Variants in SSU72 observed in about 807,000 individuals in gnomAD.
SSU72 encodes SSU72 homolog, RNA polymerase II CTD phosphatase.
In SSU72, 12 loss-of-function variants were observed where a neutral mutation model predicts 22.7. That is an observed-to-expected ratio of 0.53 (90% CI 0.34 to 0.86). The LOEUF (loss-of-function observed/expected upper bound fraction) is 0.86. Ranked by LOEUF, SSU72 falls within the 40% of genes least tolerant of loss-of-function variation. SSU72 has a pLI of 0.02. For missense variants in SSU72, 151 were observed against 249.8 expected (o/e 0.60, Z 2.67); for synonymous variants, 116 against 98.3 (o/e 1.18, Z -1.06).
chr1:1,541,725 G>T lies in SSU72; in HGVS notation c.*341C>A. On this transcript the variant is annotated 3_prime_UTR_variant, in exon 5 of 5. Transcript: ENST00000291386. The stretch of plus-strand genomic sequence containing the variant: ...TCCAGGTCATTCCTAACACGCCGCA[G>T]CAGGGCTCTGTACAGTCCGGCCCGG... 1 of 272,844 alleles carries T rather than the reference G, an allele frequency of 3.7e-6. No individual in the cohort carries two copies. Among genetic ancestry groups the T allele is most frequent in the Non-Finnish European group, 7.1e-6 (1 of 139,924 alleles). 16.9% of individuals were successfully genotyped at this position (272,844 alleles called of 1,614,324 possible).
intron 2 of SSU72, among the ~76,000 whole-genome samples, chr1:1,550,537 C>T (rs1642443835): frequency 6.6e-6 from 1 of 152,244 alleles, no homozygotes; most frequent in Non-Finnish European, 1.5e-5. Flanking sequence ...AGAATCAGTG[C>T]CTGGGCCCTT....
At chr1:1,549,850 T>C (rs1370088066) in intron 2 of SSU72, among the ~76,000 whole-genome samples, 1 of 151,722 alleles carries the variant, frequency 6.6e-6, no homozygotes, top group Non-Finnish European at 1.5e-5. Context: ...GGCGGGTGCC[T>C]GTAATCCCAC....
At chr1:1,560,679 A>G (rs1642577901) in intron 2 of SSU72, among the ~76,000 whole-genome samples, 2 of 152,202 alleles carry the variant, frequency 1.3e-5, no homozygotes, top group Non-Finnish European at 2.9e-5. Flanking sequence ...CAGAAAGTCA[A>G]GGAGATTTTG....
At chr1:1,567,267 C>G (rs762188810) in intron 1 of SSU72, among the ~76,000 whole-genome samples, 1 of 152,202 alleles carries the variant, frequency 6.6e-6, no homozygotes, top group Non-Finnish European at 1.5e-5. Flanking sequence ...ATCTAGTGTA[C>G]GTGAAACACC....
intron 2 of SSU72, 160 bp downstream of exon 2, chr1:1,564,613 G>A: frequency 1.2e-6 from 2 of 1,613,118 alleles, no homozygotes; most frequent in East Asian, 2.2e-5. Flanking sequence ...ACCCGTGGAC[G>A]ATCCGACGTG....
At position 1,574,434 on chromosome 1, in the gene SSU72, G is replaced by C. The variant is rs199526583; in HGVS notation, c.80+44C>G. The C allele has an allele frequency of 2.3e-4, 362 of 1,556,824 alleles. No homozygotes were observed. The African/African-American group carries it at 4.3e-3, about 19-fold the overall frequency. On this transcript the variant is annotated intron_variant, in intron 1 of 4. Transcript: ENST00000291386. ...GGGAACCGGGGAGGAGGGAGGGCCG[G>C]TCGCCGGAGCAGAGCGCGCGGGGAC...
At chr1:1,544,717 G>C in intron 3 of SSU72, 146 bp downstream of exon 3, 1 of 1,139,612 alleles carries the variant, frequency 8.8e-7, no homozygotes, top group African/African-American at 1.5e-5. Flanking sequence ...GGCCCTGCCT[G>C]CCTTCCAGGG....
At position 1,544,926 on chromosome 1, in the gene SSU72, A is replaced by G; in HGVS notation, c.301T>C (p.Cys101Arg). 6.2e-7 allele frequency: 1 copy of G among 1,614,212 alleles called. No individual in the cohort carries two copies. Among genetic ancestry groups the G allele is most frequent in the Non-Finnish European group, 8.5e-7 (1 of 1,180,040 alleles). Reference sequence around the variant, plus strand: ...AGGATCAGATCAAACAGGTCTTTGCAGTTCTGGAATCTTTCTGGCCGGGGC... The same window carrying G: ...AGGATCAGATCAAACAGGTCTTTGCGGTTCTGGAATCTTTCTGGCCGGGGC... ...IKPRPERFQN[C>R]KDLFDLILTC... The change falls in exon 3 of 5, where the codon TGC becomes CGC. Residue 101 changes from cysteine to arginine, a missense_variant. Transcript: ENST00000291386.
Position 1,543,949 on chromosome 1 carries a change from G to C in SSU72, c.403C>G (p.His135Asp). The C allele has an allele frequency of 6.2e-7, 1 of 1,614,014 alleles. No individual in the cohort carries two copies. Among genetic ancestry groups the C allele is most frequent in the Non-Finnish European group, 8.5e-7 (1 of 1,179,948 alleles). The change falls in exon 4 of 5, where the codon CAC becomes GAC. Residue 135 changes from histidine to aspartate, a missense_variant. Coordinates refer to ENST00000291386, the MANE Select transcript of SSU72 (RefSeq NM_014188.3). ...SREQETCQPV[H>D]VVNVDIQDNH... ...TCCTGGATGTCCACATTGACCACGT[G>C]CACAGGCTGGCAGGTCTCCTGTTCT...
chr1:1,558,462 TG>T (rs1040727866), intron 2 of SSU72, among the ~76,000 whole-genome samples: 41 of 152,312 alleles, frequency 2.7e-4, no homozygotes, highest in Middle Eastern at 6.8e-3. Flanking sequence ...AAACAGTATA[TG>T]CCAGACACAG....
intron 1 of SSU72, among the ~76,000 whole-genome samples, chr1:1,572,884 G>C (rs1431048640): frequency 2.0e-5 from 3 of 147,516 alleles, no homozygotes; most frequent in Non-Finnish European, 4.5e-5. Context: ...TCTTGGGGGG[G>C]GGGGGGTGAG....
rs949739365 is a variant in SSU72, at chr1:1,554,690, C to T, written c.225-9688G>A. ...GAAAGGGAACCCACAGGCACTGCCACGCCAGTGTGGCTGGCACCAGGGACC... is the reference window on the plus strand; with the variant it reads ...GAAAGGGAACCCACAGGCACTGCCATGCCAGTGTGGCTGGCACCAGGGACC... On this transcript the variant is annotated intron_variant, in intron 2 of 4. Coordinates refer to ENST00000291386, the MANE Select transcript of SSU72 (RefSeq NM_014188.3). This position sits in a 1 kb window ranked among gnomAD's most constrained non-coding sequence, Gnocchi z 4.1. Among the ~76,000 whole-genome samples, 1 of 152,136 alleles carries T rather than the reference C, an allele frequency of 6.6e-6. No homozygotes were observed. Among genetic ancestry groups the T allele is most frequent in the African/African-American group, 2.4e-5 (1 of 41,430 alleles).
At chr1:1,553,473 T>C (rs1642478386) in intron 2 of SSU72, among the ~76,000 whole-genome samples, 2 of 151,532 alleles carry the variant, frequency 1.3e-5, no homozygotes, top group South Asian at 4.2e-4. Context: ...CTAGTAAAAG[T>C]ACAAAAAACT....
At chr1:1,572,845 ATT>A (rs1642748277) in intron 1 of SSU72, among the ~76,000 whole-genome samples, 1 of 116,286 alleles carries the variant, frequency 8.6e-6, no homozygotes, top group African/African-American at 3.2e-5. Context: ...TCTCCAGCCC[ATT>A]TGTTATTCCA....
chr1:1,551,914 C>G (rs564466955), intron 2 of SSU72, among the ~76,000 whole-genome samples: 1 of 152,316 alleles, frequency 6.6e-6, no homozygotes, highest in African/African-American at 2.4e-5. Context: ...GACTCAGATC[C>G]TGTCCATAAT....
chr1:1,567,212 T>C (rs937688549), intron 1 of SSU72, among the ~76,000 whole-genome samples: 8 of 152,186 alleles, frequency 5.3e-5, no homozygotes, highest in African/African-American at 1.9e-4. Flanking sequence ...GGCACCCTGC[T>C]GCGCCACCAC....
rs185480598 is a variant in SSU72 at position 1,554,099 on chromosome 1, C to T, written c.225-9097G>A. Among the ~76,000 whole-genome samples the T allele has an allele frequency of 6.2e-4, 95 of 152,332 alleles. No individual in the cohort carries two copies. The highest frequency in any genetic ancestry group is 1.0e-3 in the Non-Finnish European group (71 of 68,036). On this transcript the variant is annotated intron_variant, in intron 2 of 4. Coordinates refer to ENST00000291386, the MANE Select transcript of SSU72 (RefSeq NM_014188.3). This position sits in a 1 kb window ranked among gnomAD's most constrained non-coding sequence, Gnocchi z 4.1. ...AGAGAAACGAGGAGGAAGTGCAGCT[C>T]CAGGGAGTGGAGCGGTTGTGAGATT...
intron 2 of SSU72, among the ~76,000 whole-genome samples, chr1:1,556,764 T>C (rs1457369103): frequency 2.6e-5 from 4 of 152,276 alleles, no homozygotes; most frequent in South Asian, 2.1e-4. Flanking sequence ...TGAAACTACT[T>C]TGCAAAAGCA....
At chr1:1,547,692 G>A (rs573465381) in intron 2 of SSU72, among the ~76,000 whole-genome samples, 8 of 152,378 alleles carry the variant, frequency 5.3e-5, no homozygotes, top group Admixed American at 2.0e-4. Context: ...AGCCGCTGGC[G>A]GGTGAGGCGG....
Sources: allele counts gnomAD v4.1 joint callset (sites outside exome capture counted in the v4.1 genomes callset), GRCh38; gene constraint gnomAD v4.1.1; non-coding constraint Gnocchi (gnomAD v3.1); transcripts MANE v1.5; gene names NCBI Gene and HGNC (gene_info 2026-07-23, HGNC 2026-07-21).